CYFIP2: variants seen among roughly 807,000 people sequenced by gnomAD.
CYFIP2 encodes cytoplasmic FMR1 interacting protein 2, also known as cytoplasmic FMR1-interacting protein 2.
CYFIP2 carries 29 observed loss-of-function variants against 158.7 expected under a neutral mutation model. That is an observed-to-expected ratio of 0.18 (90% confidence interval 0.14 to 0.25). The LOEUF (loss-of-function observed/expected upper bound fraction) is 0.25. CYFIP2 is among the 10% of genes least tolerant of loss of function. CYFIP2 has a pLI of 1.00. For missense variants in CYFIP2, 852 were observed against 1,639.5 expected (o/e 0.52, Z 8.29); for synonymous variants, 585 against 617.6 (o/e 0.95, Z 0.78).
chr5:157,269,895 G>T (rs1454383313), intron 1 of CYFIP2, among the ~76,000 whole-genome samples: 5 of 152,186 alleles, frequency 3.3e-5, no homozygotes, highest in Admixed American at 3.3e-4. Flanking sequence ...CTTAGATATT[G>T]GCTTTCTAGC....
intron 8 of CYFIP2, among the ~76,000 whole-genome samples, chr5:157,306,657 G>T (rs1032721483): frequency 2.8e-4 from 43 of 152,136 alleles, no homozygotes; most frequent in African/African-American, 1.0e-3. Context: ...AAGGCAGGGG[G>T]ATCACTTGAG....
chr5:157,331,450 C>T (rs1761454600), intron 20 of CYFIP2, among the ~76,000 whole-genome samples: 1 of 150,596 alleles, frequency 6.6e-6, no homozygotes, highest in South Asian at 2.1e-4. Context: ...AAGCGGGTGG[C>T]AAAATGGCCT....
At chr5:157,302,693 G>T (rs1483826040) in intron 6 of CYFIP2, 101 bp from the exon 7 acceptor site, 1 of 790,960 alleles carries the variant, frequency 1.3e-6, no homozygotes, top group Non-Finnish European at 2.0e-6. Context: ...CTTCCAGGAT[G>T]ATGTCACTCT....
chr5:157,344,337 T>G (rs1762522462), intron 23 of CYFIP2, among the ~76,000 whole-genome samples: 1 of 152,178 alleles, frequency 6.6e-6, no homozygotes, highest in South Asian at 2.1e-4. Flanking sequence ...TTAATTTCCT[T>G]TATTCTTCAT....
chr5:157,389,533 G>T, intron 29 of CYFIP2, 106 bp downstream of exon 29: 1 of 1,057,304 alleles, frequency 9.5e-7, no homozygotes, highest in Non-Finnish European at 1.3e-6. Flanking sequence ...GGGTGGGGGT[G>T]GTTGGCCAAC....
At chr5:157,323,020 T>C in intron 15 of CYFIP2, 3 of 1,535,992 alleles carry the variant, frequency 2.0e-6, no homozygotes, top group East Asian at 4.9e-5. Flanking sequence ...ATCCCTGGTA[T>C]CACACCGCCT....
intron 11 of CYFIP2, among the ~76,000 whole-genome samples, chr5:157,312,247 A>G (rs1269662285): frequency 6.6e-6 from 1 of 152,100 alleles, no homozygotes; most frequent in Non-Finnish European, 1.5e-5. Flanking sequence ...TCAGTAATAT[A>G]CTTAAGGGCA....
At chr5:157,374,344 G>A (rs186267319) in intron 26 of CYFIP2, among the ~76,000 whole-genome samples, 17 of 152,186 alleles carry the variant, frequency 1.1e-4, no homozygotes, top group Middle Eastern at 3.4e-3. Flanking sequence ...AAAGAATAAC[G>A]TCTGCTAGAA....
At chr5:157,340,732 T>C (rs1369133139) in intron 22 of CYFIP2, among the ~76,000 whole-genome samples, 1 of 152,192 alleles carries the variant, frequency 6.6e-6, no homozygotes, top group Non-Finnish European at 1.5e-5. Context: ...AAGAGTTTGC[T>C]GAACTCTGCT....
intron 21 of CYFIP2, among the ~76,000 whole-genome samples, chr5:157,338,845 C>G (rs1450750098): frequency 5.9e-5 from 9 of 152,190 alleles, no homozygotes; most frequent in African/African-American, 2.2e-4. Flanking sequence ...ACCTTCTGGG[C>G]CTCCATTTCT....
At chr5:157,275,127 T>G (rs1756440720) in intron 1 of CYFIP2, among the ~76,000 whole-genome samples, 1 of 152,206 alleles carries the variant, frequency 6.6e-6, no homozygotes, top group Non-Finnish European at 1.5e-5. Flanking sequence ...GCAAATATTT[T>G]CTTCTATTCT....
chr5:157,292,142 T>G (rs901232882), intron 3 of CYFIP2, among the ~76,000 whole-genome samples: 2 of 152,196 alleles, frequency 1.3e-5, no homozygotes, highest in Admixed American at 1.3e-4. Context: ...TAATCCAATA[T>G]GGACCTTTTG....
In CYFIP2 at chr5:157,383,517, G is replaced by T; in HGVS notation, c.3207+158G>T. Reference sequence around the variant, plus strand: ...TGGTTAATATTAATAGCAACAGCAGGTCTGGAATGAGATTTGCTGACTCTC... The same window carrying T: ...TGGTTAATATTAATAGCAACAGCAGTTCTGGAATGAGATTTGCTGACTCTC... On this transcript the variant is annotated intron_variant, in intron 28 of 30. Transcript: ENST00000620254. 3 of 610,364 alleles carry T rather than the reference G, an allele frequency of 4.9e-6. No homozygotes were observed. In the South Asian group the frequency reaches 6.2e-5, roughly 13 times the overall value. The allele number at this position is 610,364 out of a possible 1,614,324, so 37.8% of individuals were successfully genotyped here.
At position 157,330,822 on chromosome 5, in the gene CYFIP2, A is replaced by C. The variant is rs1024659556; in HGVS notation, c.2237A>C (p.Glu746Ala). Reference protein sequence around the residue: ...IIPYPPSNRYETLLKQRHVQL... With the variant: ...IIPYPPSNRYATLLKQRHVQL... Reference sequence around the variant, plus strand: ...CCGTATCCACCGTCCAATCGCTATGAAACACTGCTGAAGCAGAGACACGTC... The same window carrying C: ...CCGTATCCACCGTCCAATCGCTATGCAACACTGCTGAAGCAGAGACACGTC... Residue 746 changes from glutamate to alanine, a missense_variant, in exon 20 of 31, where the codon GAA becomes GCA. Glu to Ala is a moderately radical substitution (Grantham distance 107). Transcript: ENST00000620254. 1.5e-5 allele frequency: 24 copies of C among 1,614,020 alleles called. No individual in the cohort carries two copies. The highest frequency in any genetic ancestry group is 2.0e-5 in the Non-Finnish European group (24 of 1,179,880).
chr5:157,280,727 G>A (rs1318138134), intron 1 of CYFIP2, among the ~76,000 whole-genome samples: 5 of 151,872 alleles, frequency 3.3e-5, no homozygotes, highest in South Asian at 2.1e-4. Flanking sequence ...AACTCACTGC[G>A]AATTTGTTTC....
intron 9 of CYFIP2, among the ~76,000 whole-genome samples, chr5:157,308,959 A>G (rs1174962854): frequency 6.6e-6 from 1 of 152,206 alleles, no homozygotes; most frequent in Non-Finnish European, 1.5e-5. Context: ...TCTGAAAAAT[A>G]TGAATACCAA....
At chr5:157,268,927 C>T (rs767399845) in intron 1 of CYFIP2, among the ~76,000 whole-genome samples, 2 of 152,206 alleles carry the variant, frequency 1.3e-5, no homozygotes, top group Non-Finnish European at 2.9e-5. Flanking sequence ...ACTAGAATAT[C>T]TTTGGATGCT....
intron 23 of CYFIP2, among the ~76,000 whole-genome samples, chr5:157,354,766 G>A (rs1269326441): frequency 6.6e-6 from 1 of 151,996 alleles, no homozygotes; most frequent in Non-Finnish European, 1.5e-5. Flanking sequence ...GGTGTGTAGG[G>A]GGCATTTTAA....
intron 1 of CYFIP2, among the ~76,000 whole-genome samples, chr5:157,278,181 AAT>A (rs2113824335): frequency 6.6e-6 from 1 of 151,760 alleles, no homozygotes; most frequent in East Asian, 1.9e-4. Context: ...TCTTTGTAGT[AAT>A]ATATGTATAC....
Sources: allele counts gnomAD v4.1 joint callset (sites outside exome capture counted in the v4.1 genomes callset), GRCh38; gene constraint gnomAD v4.1.1; transcripts MANE v1.5; gene names NCBI Gene and HGNC (gene_info 2026-07-23, HGNC 2026-07-21).